KCNQ1: variants seen among roughly 807,000 people sequenced by gnomAD.
KCNQ1 encodes the protein potassium voltage-gated channel subfamily KQT member 1.
A neutral mutation model predicts 72.4 loss-of-function variants in KCNQ1; 49 were observed. The ratio of observed to expected loss-of-function variants is 0.68; its 90% CI spans 0.54 to 0.86. KCNQ1 has a LOEUF of 0.86. Among genes scored for constraint, KCNQ1 ranks in the 40% least tolerant of loss-of-function variants. The pLI is 0.00. For synonymous variants in KCNQ1, 450 were observed against 412.6 expected, an observed-to-expected ratio of 1.09 and a Z score of -1.10; for missense variants, 790 against 945.1, an observed-to-expected ratio of 0.84 and a Z score of 2.15.
intron 2 of KCNQ1, among the ~76,000 whole-genome samples, chr11:2,548,976 A>G (rs1368868067): frequency 1.3e-5 from 2 of 152,120 alleles, no homozygotes; most frequent in African/African-American, 4.8e-5. Context: ...TGACTGAAAA[A>G]TCCTCACTTT....
rs1428054280 is a variant in KCNQ1, at chr11:2,602,268, A to G, written c.1393+13414A>G. 6.6e-6 allele frequency among the ~76,000 whole-genome samples: 1 copy of G among 151,804 alleles called. No homozygotes were observed. Among genetic ancestry groups the G allele is most frequent in the Non-Finnish European group, 1.5e-5 (1 of 67,990 alleles). ...GACTCTTTTCAGACTTCTGGCCTCT[A>G]GAACTGTGAGAAAAAAAAAAAAAGC... On this transcript the variant is annotated intron_variant, in intron 10 of 15. Transcript: ENST00000155840. The surrounding 1 kb of genome is among the most constrained non-coding windows in gnomAD (Gnocchi z 4.8).
chr11:2,810,539 G>T (rs143455382), intron 15 of KCNQ1, among the ~76,000 whole-genome samples: 1 of 152,214 alleles, frequency 6.6e-6, no homozygotes, highest in Non-Finnish European at 1.5e-5. Context: ...CAGAGCACAC[G>T]CTTGCTCTCT....
chr11:2,820,240 C>T (rs1847702517), intron 15 of KCNQ1, among the ~76,000 whole-genome samples: 1 of 152,106 alleles, frequency 6.6e-6, no homozygotes, highest in South Asian at 2.1e-4. Context: ...AGGAAGCATC[C>T]CACACTCTTG....
chr11:2,539,204 G>T (rs559197057), intron 2 of KCNQ1, among the ~76,000 whole-genome samples: 1 of 152,276 alleles, frequency 6.6e-6, no homozygotes, highest in Admixed American at 6.5e-5. Flanking sequence ...CGCCAGGTGC[G>T]CCCCCTGAAG....
In KCNQ1 at chr11:2,601,926, C is replaced by T. The variant is rs913281667; in HGVS notation, c.1393+13072C>T. ...CCTAACGCCTAGAACCTGTGACTAT[C>T]GCCTTCTATGGCAAAGGGCACTCTG... On this transcript the variant is annotated intron_variant, in intron 10 of 15. Transcript: ENST00000155840. This position sits in a 1 kb window ranked among gnomAD's most constrained non-coding sequence, Gnocchi z 5.2. 2.0e-5 allele frequency among the ~76,000 whole-genome samples: 3 copies of T among 152,172 alleles called. No homozygotes were observed. The highest frequency in any genetic ancestry group is 4.8e-5 in the African/African-American group (2 of 41,442).
chr11:2,577,114 G>A (rs1036272808), intron 6 of KCNQ1, among the ~76,000 whole-genome samples: 3 of 152,236 alleles, frequency 2.0e-5, no homozygotes, highest in Non-Finnish European at 4.4e-5. Context: ...ACTTTCCCTG[G>A]ACCGAAAGGG....
rs1397124661 is a variant in KCNQ1, at chr11:2,445,075, G to GC, written c.-18dup. The GC allele has an allele frequency of 6.6e-6, 7 of 1,061,778 alleles. No individual in the cohort carries two copies. The highest frequency in any genetic ancestry group is 5.5e-5 in the Admixed American group (1 of 18,098). The allele number at this position is 1,061,778 out of a possible 1,614,324, so 65.8% of individuals were successfully genotyped here. On this transcript the variant is annotated 5_prime_UTR_variant, in exon 1 of 16. Transcript: ENST00000155840. ...GCTCCCGGTGCCGCCGCTCGGGCCG[G>GC]CCCCCCGGCAGGCCCTCCTCGTTAT...
In KCNQ1 at chr11:2,674,836, A is replaced by T. The variant is rs1467389014; in HGVS notation, c.1514+12755A>T. On this transcript the variant is annotated intron_variant, in intron 11 of 15. Coordinates refer to ENST00000155840, the MANE Select transcript of KCNQ1 (RefSeq NM_000218.3). This position sits in a 1 kb window ranked among gnomAD's most constrained non-coding sequence, Gnocchi z 5.9. ...GTCACCCTAATAGCTGTTTTTTAAA[A>T]AAAAAAAAAAAAAAAAAAAAAAAAG... 7.9e-5 allele frequency: 26 copies of T among 329,956 alleles called. No homozygotes were observed. The highest frequency in any genetic ancestry group is 4.0e-4 in the African/African-American group (18 of 45,500). 20.4% of individuals were successfully genotyped at this position (329,956 alleles called of 1,614,324 possible). A position where few individuals can be genotyped will look rare whatever the true frequency, so the allele number is the denominator to read the frequency against.
rs1043154613 is a variant in KCNQ1 at position 2,541,545 on chromosome 11, G to T, written c.477+13527G>T. ...AGCCAGGTCCCTGGACCTGGCGGTG[G>T]CTATGAAAGCCTGGGATTGAGGACA... On this transcript the variant is annotated intron_variant, in intron 2 of 15. Coordinates refer to ENST00000155840, the MANE Select transcript of KCNQ1 (RefSeq NM_000218.3). This position sits in a 1 kb window ranked among gnomAD's most constrained non-coding sequence, Gnocchi z 4.8. Among the ~76,000 whole-genome samples, 11 of 152,104 alleles carry T rather than the reference G, an allele frequency of 7.2e-5. No individual in the cohort carries two copies. Among genetic ancestry groups the T allele is most frequent in the Middle Eastern group, 3.4e-3 (1 of 294 alleles).
chr11:2,502,709 A>G (rs1473293070), intron 1 of KCNQ1, among the ~76,000 whole-genome samples: 1 of 152,236 alleles, frequency 6.6e-6, no homozygotes, highest in Non-Finnish European at 1.5e-5. Flanking sequence ...TGGAATCACT[A>G]AAGTCCCAGA....
In KCNQ1 at chr11:2,450,533, A is replaced by C. The variant is rs757576220; in HGVS notation, c.386+5049A>C. Among the ~76,000 whole-genome samples, 1 of 152,096 alleles carries C rather than the reference A, an allele frequency of 6.6e-6. No homozygotes were observed. Among genetic ancestry groups the C allele is most frequent in the Non-Finnish European group, 1.5e-5 (1 of 68,012 alleles). The stretch of plus-strand genomic sequence containing the variant: ...CTCGGGAGGTGCCTTGGGGCTGGCC[A>C]GTATGGGATTGCTGTCACTGTGGGT... On this transcript the variant is annotated intron_variant, in intron 1 of 15. Transcript: ENST00000155840. The surrounding 1 kb of genome is among the most constrained non-coding windows in gnomAD (Gnocchi z 7.9).
At position 2,518,704 on chromosome 11, in the gene KCNQ1, G is replaced by T. The variant is rs538782896; in HGVS notation, c.387-9224G>T. Among the ~76,000 whole-genome samples the T allele has an allele frequency of 3.9e-5, 6 of 152,260 alleles. 1 individual carries two copies. The South Asian group carries it at 1.0e-3, about 26-fold the overall frequency. On this transcript the variant is annotated intron_variant, in intron 1 of 15. Coordinates refer to ENST00000155840, the MANE Select transcript of KCNQ1 (RefSeq NM_000218.3). ...CACTTGGGGCTTCGGGAGACAATGA[G>T]GGCAGAAATCTTACCCACCGGCCAC...
Position 2,588,925 on chromosome 11 carries a change from A to G in KCNQ1, c.1393+71A>G. 1.3e-6 allele frequency: 2 copies of G among 1,558,290 alleles called. No individual in the cohort carries two copies. The highest frequency in any genetic ancestry group is 1.7e-6 in the Non-Finnish European group (2 of 1,144,604). ...ACTGCCTTTTTTGGGAGCCCGAGCA[A>G]GCCAGTGAGTTTCTCCCTTGGGCTG... On this transcript the variant is annotated intron_variant, in intron 10 of 15. Transcript: ENST00000155840. This position sits in a 1 kb window ranked among gnomAD's most constrained non-coding sequence, Gnocchi z 5.6.
chr11:2,532,436 C>T (rs1052019884), intron 2 of KCNQ1, among the ~76,000 whole-genome samples: 17 of 152,220 alleles, frequency 1.1e-4, no homozygotes, highest in Admixed American at 1.1e-3. Flanking sequence ...GCACTGGCCG[C>T]GTGGAAACAA....
At chr11:2,692,901 A>G (rs1456275499) in intron 11 of KCNQ1, 2 of 398,326 alleles carry the variant, frequency 5.0e-6, no homozygotes, top group African/African-American at 4.1e-5. Context: ...AGCTGGCTAA[A>G]ATCAACTGTA....
chr11:2,789,554 A>G (rs571830379), intron 15 of KCNQ1, among the ~76,000 whole-genome samples: 1 of 152,336 alleles, frequency 6.6e-6, no homozygotes, highest in Admixed American at 6.5e-5. Context: ...GTAAGAAACC[A>G]AAGTTGCCAA....
rs1363804042 is a variant in KCNQ1, at chr11:2,498,758, A to G, written c.387-29170A>G. On this transcript the variant is annotated intron_variant, in intron 1 of 15. Transcript: ENST00000155840. This position sits in a 1 kb window ranked among gnomAD's most constrained non-coding sequence, Gnocchi z 4.8. Reference sequence around the variant, plus strand: ...AGAAAAAACTCCTGCAGCTAGTTCAATGTCTGTCCAAACAGCAACTCAGTT... The same window carrying G: ...AGAAAAAACTCCTGCAGCTAGTTCAGTGTCTGTCCAAACAGCAACTCAGTT... 3.3e-5 allele frequency among the ~76,000 whole-genome samples: 5 copies of G among 152,164 alleles called. No individual in the cohort carries two copies. Among genetic ancestry groups the G allele is most frequent in the Admixed American group, 6.5e-5 (1 of 15,274 alleles).
At chr11:2,821,347 G>A (rs565171435) in intron 15 of KCNQ1, among the ~76,000 whole-genome samples, 14 of 152,340 alleles carry the variant, frequency 9.2e-5, no homozygotes, top group Middle Eastern at 3.4e-3. Context: ...GGAATATGGT[G>A]AGAATGGTGC....
rs1017949410 is a variant in KCNQ1 at position 2,620,260 on chromosome 11, A to G, written c.1393+31406A>G. The G allele has an allele frequency of 1.3e-5, 3 of 225,536 alleles. No individual in the cohort carries two copies. The Admixed American group carries it at 1.7e-4, about 13-fold the overall frequency. The allele number at this position is 225,536 out of a possible 1,614,324, so 14.0% of individuals were successfully genotyped here. A position where few individuals can be genotyped will look rare whatever the true frequency, so the allele number is the denominator to read the frequency against. On this transcript the variant is annotated intron_variant, in intron 10 of 15. Coordinates refer to ENST00000155840, the MANE Select transcript of KCNQ1 (RefSeq NM_000218.3). This position sits in a 1 kb window ranked among gnomAD's most constrained non-coding sequence, Gnocchi z 4.5. ...AGACGGAGTTTCGCTCTTGTTGCCC[A>G]GGCTGGAGGGCAATGGCATGATCTC...
Sources: allele counts gnomAD v4.1 joint callset (sites outside exome capture counted in the v4.1 genomes callset), GRCh38; gene constraint gnomAD v4.1.1; non-coding constraint Gnocchi (gnomAD v3.1); transcripts MANE v1.5; gene names NCBI Gene and HGNC (gene_info 2026-07-23, HGNC 2026-07-21).